Variants in UBE2F observed in about 807,000 individuals in gnomAD.
UBE2F encodes ubiquitin conjugating enzyme E2 F (putative).
Under a neutral mutation model 29.6 loss-of-function variants are expected in UBE2F, and 5 were observed. The observed-to-expected ratio is 0.17, with a 90% CI of 0.09 to 0.36. The LOEUF is 0.36. Ranked by LOEUF, UBE2F falls within the 10% of genes least tolerant of loss-of-function variation. The pLI, the probability that UBE2F is intolerant of heterozygous loss-of-function variation, is 1.00. For missense variants in UBE2F, 141 were observed against 228.5 expected (o/e 0.62, Z 2.47); for synonymous variants, 66 against 81.8 (o/e 0.81, Z 1.04).
chr2:238,035,649 A>G (rs1576644054), intron 8 of UBE2F: 3 of 498,044 alleles, frequency 6.0e-6, no homozygotes, highest in Non-Finnish European at 1.1e-5. Flanking sequence ...CTACATGTCA[A>G]CATATCTCTG....
intron 3 of UBE2F, among the ~76,000 whole-genome samples, chr2:237,993,685 T>C (rs2063633542): frequency 6.6e-6 from 1 of 152,184 alleles, no homozygotes; most frequent in Admixed American, 6.5e-5. Flanking sequence ...TGTCCTCCAG[T>C]CCAGGCAACA....
chr2:238,035,983 C>A, intron 9 of UBE2F, 43 bp downstream of exon 9: 2 of 1,515,756 alleles, frequency 1.3e-6, no homozygotes, highest in African/African-American at 1.4e-5. Flanking sequence ...GTACTTGTCA[C>A]GAACACGATT....
chr2:237,974,879 C>G (rs1185278937), intron 2 of UBE2F, among the ~76,000 whole-genome samples: 1 of 151,818 alleles, frequency 6.6e-6, no homozygotes, highest in Admixed American at 6.6e-5. Flanking sequence ...GAACTCCTGA[C>G]CTCAGATAAT....
chr2:238,017,506 G>C (rs941136190), intron 5 of UBE2F, among the ~76,000 whole-genome samples: 2 of 152,118 alleles, frequency 1.3e-5, no homozygotes, highest in Non-Finnish European at 2.9e-5. Context: ...TCAGATGTGG[G>C]GGTTTGGTTG....
intron 5 of UBE2F, among the ~76,000 whole-genome samples, chr2:238,024,221 AAAAC>A (rs1457179331): frequency 8.5e-5 from 13 of 152,224 alleles, no homozygotes; most frequent in African/African-American, 2.9e-4. Flanking sequence ...TCTTACATAA[AAAAC>A]AAAAGTGAAA....
At chr2:238,019,928 G>C (rs2064253813) in intron 5 of UBE2F, among the ~76,000 whole-genome samples, 1 of 151,966 alleles carries the variant, frequency 6.6e-6, no homozygotes, top group Non-Finnish European at 1.5e-5. Flanking sequence ...CATAGTACTG[G>C]GATTCCAGCC....
At chr2:237,976,319 T>C (rs1255656640) in intron 2 of UBE2F, among the ~76,000 whole-genome samples, 1 of 151,730 alleles carries the variant, frequency 6.6e-6, no homozygotes, top group Non-Finnish European at 1.5e-5. Flanking sequence ...TGAGGAGGAG[T>C]GGGTAGAAGC....
At chr2:238,022,585 C>G (rs2064322203) in intron 5 of UBE2F, among the ~76,000 whole-genome samples, 1 of 152,122 alleles carries the variant, frequency 6.6e-6, no homozygotes, top group African/African-American at 2.4e-5. Flanking sequence ...CTTCAGACCC[C>G]AAGATGGTCA....
intron 7 of UBE2F, 112 bp downstream of exon 7, chr2:238,030,725 T>C: frequency 1.3e-6 from 1 of 791,754 alleles, no homozygotes; most frequent in South Asian, 1.5e-5. Context: ...TCCACACCAG[T>C]GGCCGGACAC....
chr2:238,024,015 G>A (rs976090620), intron 5 of UBE2F, among the ~76,000 whole-genome samples: 4 of 152,144 alleles, frequency 2.6e-5, no homozygotes, highest in African/African-American at 9.7e-5. Context: ...AACTCGGGCA[G>A]GTGTACCATG....
intron 4 of UBE2F, among the ~76,000 whole-genome samples, chr2:238,014,117 A>C (rs1040763934): frequency 3.9e-5 from 6 of 152,206 alleles, no homozygotes; most frequent in African/African-American, 1.4e-4. Context: ...TGAACTCTTA[A>C]GCTGGGGACA....
At chr2:237,973,629 T>C in intron 2 of UBE2F, 1 of 1,281,572 alleles carries the variant, frequency 7.8e-7, no homozygotes. Flanking sequence ...TCTCTTAGGA[T>C]CTTTTCCTGT....
intron 5 of UBE2F, among the ~76,000 whole-genome samples, chr2:238,024,976 C>G (rs531378669): frequency 1.6e-4 from 25 of 152,290 alleles, no homozygotes; most frequent in African/African-American, 6.0e-4. Flanking sequence ...GGATGTAGAA[C>G]TATTCCTTAG....
chr2:237,990,516 C>T (rs1370987383), intron 3 of UBE2F: 2 of 385,766 alleles, frequency 5.2e-6, no homozygotes, highest in Non-Finnish European at 1.0e-5. Context: ...GATCTTCCCA[C>T]CTCAGTCTCC....
chr2:238,013,773 G>A (rs969285657), intron 4 of UBE2F, among the ~76,000 whole-genome samples: 4 of 152,206 alleles, frequency 2.6e-5, no homozygotes, highest in East Asian at 1.9e-4. Flanking sequence ...AAGGAAAGAG[G>A]AGGATAATTC....
intron 4 of UBE2F, among the ~76,000 whole-genome samples, chr2:238,002,692 A>G (rs1458080185): frequency 6.6e-6 from 1 of 152,166 alleles, no homozygotes; most frequent in East Asian, 1.9e-4. Flanking sequence ...ACTCACTGCA[A>G]TCTCCGCCTC....
chr2:238,001,589 G>A (rs1363724231), intron 4 of UBE2F, among the ~76,000 whole-genome samples: 9 of 152,024 alleles, frequency 5.9e-5, no homozygotes, highest in Non-Finnish European at 8.8e-5. Flanking sequence ...AGGCCAAGGC[G>A]GGTGGATCAT....
intron 4 of UBE2F, among the ~76,000 whole-genome samples, chr2:238,012,606 A>G (rs955781358): frequency 1.3e-5 from 2 of 152,200 alleles, no homozygotes; most frequent in African/African-American, 4.8e-5. Flanking sequence ...TATCAAAACT[A>G]TCTGCCATAT....
intron 2 of UBE2F, among the ~76,000 whole-genome samples, chr2:237,977,664 G>T (rs569635707): frequency 6.6e-5 from 10 of 152,264 alleles, no homozygotes; most frequent in Non-Finnish European, 8.8e-5. Flanking sequence ...TGTGGAGGCT[G>T]CTGTGGCTGT....
Sources: gnomAD v4.1 joint callset for allele counts (sites outside exome capture counted in the v4.1 genomes callset) on GRCh38, gnomAD v4.1.1 for gene constraint, MANE v1.5 for transcripts, NCBI Gene and HGNC (gene_info 2026-07-23, HGNC 2026-07-21) for gene names.